The following CD101 variants were observed in gnomAD, a reference collection of about 807,000 sequenced individuals.
CD101 encodes the protein immunoglobulin superfamily member 2.
A neutral mutation model predicts 98.2 loss-of-function variants in CD101; 76 were observed. That is an observed-to-expected ratio of 0.77 (90% CI 0.64 to 0.94). CD101 has a LOEUF of 0.94. CD101 is among the 40% of genes least tolerant of loss of function. The pLI, the probability that CD101 is intolerant of heterozygous loss-of-function variation, is 0.00. For synonymous variants in CD101, 471 were observed against 472.7 expected (o/e 1.00, Z 0.05); for missense variants, 1,145 against 1,218.8 (o/e 0.94, Z 0.90).
At chr1:117,035,804 G>C (rs971432615) in intron 9 of CD101, among the ~76,000 whole-genome samples, 1 of 152,114 alleles carries the variant, frequency 6.6e-6, no homozygotes, top group Non-Finnish European at 1.5e-5. Context: ...CACCCGCCTC[G>C]GCCTCCCAAA....
At position 117,025,732 on chromosome 1, in the gene CD101, T is replaced by C; in HGVS notation, c.2652T>C (p.Cys884=). 6.2e-7 allele frequency: 1 copy of C among 1,614,196 alleles called. No homozygotes were observed. The change falls in exon 8 of 10, where the codon TGT becomes TGC. Residue 884 remains cysteine (C), a synonymous_variant. Transcript: ENST00000682167. ...GEEGLRRHLH[C]YRSSSTDFVL... is the part of the protein sequence containing the mutation. ...AGGGGCTCAGGAGGCACCTGCACTG[T>C]TACCGTTCATCCTCTACAGACTTTG...
chr1:117,034,836 C>T (rs749284845), intron 9 of CD101, among the ~76,000 whole-genome samples: 2 of 152,172 alleles, frequency 1.3e-5, no homozygotes, highest in African/African-American at 2.4e-5. Context: ...AGTCAGCCCC[C>T]CAAGGCCTCG....
At position 117,033,350 on chromosome 1, in the gene CD101, G is replaced by A. The variant is rs1446413030; in HGVS notation, c.2825-510G>A. Among the ~76,000 whole-genome samples, 2 of 152,126 alleles carry A rather than the reference G, an allele frequency of 1.3e-5. No individual in the cohort carries two copies. Among genetic ancestry groups the A allele is most frequent in the Non-Finnish European group, 2.9e-5 (2 of 68,010 alleles). On this transcript the variant is annotated intron_variant, in intron 8 of 9. Coordinates refer to ENST00000682167, the MANE Select transcript of CD101 (RefSeq NM_001256106.3). The surrounding 1 kb of genome is among the most constrained non-coding windows in gnomAD (Gnocchi z 4.8). ...GGCCAGGCTTGGGTCAGCGGGGGTA[G>A]GGGCTTCTTATTGTGGGTGTGATTG...
Position 117,025,711 on chromosome 1 carries a change from G to A in CD101, c.2631G>A (p.Gly877=). ...GCTTGCTGGAGTATGGGGAAGAGGG[G>A]CTCAGGAGGCACCTGCACTGTTACC... is the stretch of plus-strand genomic sequence containing the variant. The part of the protein sequence containing the change: ...HDGLLEYGEE[G]LRRHLHCYRS... Residue 877 remains glycine, a synonymous_variant, in exon 8 of 10, where the codon GGG becomes GGA. Transcript: ENST00000682167. 1 of 1,614,178 alleles carries A rather than the reference G, an allele frequency of 6.2e-7. No individual in the cohort carries two copies. Among genetic ancestry groups the A allele is most frequent in the Non-Finnish European group, 8.5e-7 (1 of 1,180,034 alleles).
chr1:117,025,697 T>C lies in CD101; in HGVS notation c.2617T>C (p.Tyr873His). The change falls in exon 8 of 10, where the codon TAT becomes CAT. Residue 873 changes from tyrosine to histidine, a missense_variant. By Grantham distance (83) the Tyr-to-His change is moderately conservative (BLOSUM62 2). Coordinates refer to ENST00000682167, the MANE Select transcript of CD101 (RefSeq NM_001256106.3). ...VHLQHDGLLE[Y>H]GEEGLRRHLH... ...CTTGCAACATGATGGCTTGCTGGAG[T>C]ATGGGGAAGAGGGGCTCAGGAGGCA... 1 of 1,613,798 alleles carries C rather than the reference T, an allele frequency of 6.2e-7. No individual in the cohort carries two copies. Among genetic ancestry groups the C allele is most frequent in the Non-Finnish European group, 8.5e-7 (1 of 1,179,960 alleles).
Position 117,023,327 on chromosome 1 carries a change from G to A in CD101, c.2428+1344G>A, listed in dbSNP as rs779489834. On this transcript the variant is annotated intron_variant, in intron 7 of 9. Coordinates refer to ENST00000682167, the MANE Select transcript of CD101 (RefSeq NM_001256106.3). This position sits in a 1 kb window ranked among gnomAD's most constrained non-coding sequence, Gnocchi z 4.4. The stretch of plus-strand genomic sequence containing the variant: ...CTTCCCATGTAGAAATGTGGGCTCC[G>A]TGTTGTCAGATCTTTTTGCATATCT... Among the ~76,000 whole-genome samples the A allele has an allele frequency of 1.3e-5, 2 of 152,158 alleles. No individual in the cohort carries two copies. The highest frequency in any genetic ancestry group is 1.9e-4 in the East Asian group (1 of 5,196).
At chr1:117,034,815 AACAGT>A (rs1654704756) in intron 9 of CD101, among the ~76,000 whole-genome samples, 1 of 152,186 alleles carries the variant, frequency 6.6e-6, no homozygotes, top group Non-Finnish European at 1.5e-5. Flanking sequence ...AAACTCATGT[AACAGT>A]ACTCCAGTCA....
rs771116783 is a variant in CD101 at position 117,017,185 on chromosome 1, C to T, written c.1324C>T (p.Pro442Ser). The change falls in exon 5 of 10, where the codon CCC becomes TCC. Residue 442 changes from proline to serine, a missense_variant. By Grantham distance (74) the Pro-to-Ser change is moderately conservative. Coordinates refer to ENST00000682167, the MANE Select transcript of CD101 (RefSeq NM_001256106.3). ...CTGTAAGGCTGGTGGAGCTGAAAGTCCCCTGTCTGTGAGCTGGTGGCACAT... is the reference window on the plus strand; with the variant it reads ...CTGTAAGGCTGGTGGAGCTGAAAGTTCCCTGTCTGTGAGCTGGTGGCACAT... ...FLCKAGGAES[P>S]LSVSWWHIPR... The T allele has an allele frequency of 8.7e-6, 14 of 1,614,240 alleles. No homozygotes were observed. The highest frequency in any genetic ancestry group is 6.7e-5 in the East Asian group (3 of 44,878).
At position 117,021,348 on chromosome 1, in the gene CD101, T is replaced by C. The variant is rs1434865248; in HGVS notation, c.2018-225T>C. ...TGAAGAGATAAAGTTCAACTTGATATCAGAAAGCATTCTGGAGGGGCAGAG... is the reference window on the plus strand; with the variant it reads ...TGAAGAGATAAAGTTCAACTTGATACCAGAAAGCATTCTGGAGGGGCAGAG... On this transcript the variant is annotated intron_variant, in intron 6 of 9. Transcript: ENST00000682167. The surrounding 1 kb of genome is among the most constrained non-coding windows in gnomAD (Gnocchi z 4.7). Among the ~76,000 whole-genome samples the C allele has an allele frequency of 2.6e-5, 4 of 152,128 alleles. No homozygotes were observed. The highest frequency in any genetic ancestry group is 9.7e-5 in the African/African-American group (4 of 41,418).
Position 117,025,666 on chromosome 1 carries a change from G to A in CD101, c.2586G>A (p.Leu862=), listed in dbSNP as rs774890450. The A allele has an allele frequency of 6.2e-7, 1 of 1,614,178 alleles. No homozygotes were observed. Among genetic ancestry groups the A allele is most frequent in the Non-Finnish European group, 8.5e-7 (1 of 1,180,032 alleles). ...WNRENSGSKL[L]VHLQHDGLLE... The stretch of plus-strand genomic sequence containing the variant: ...GAGAAAACTCTGGAAGTAAATTGCT[G>A]GTGCACTTGCAACATGATGGCTTGC... The change falls in exon 8 of 10, where the codon CTG becomes CTA. Residue 862 remains leucine, a synonymous_variant. Transcript: ENST00000682167.
In CD101 at chr1:117,012,823, T is replaced by A. The variant is rs1425455723; in HGVS notation, c.842-583T>A. Among the ~76,000 whole-genome samples the A allele has an allele frequency of 6.6e-6, 1 of 152,202 alleles. No homozygotes were observed. The highest frequency in any genetic ancestry group is 6.5e-5 in the Admixed American group (1 of 15,282). ...AACAGGAAGTGGTTGCTAAACCATA[T>A]ACTGTATATGCATTGCTAAAAGCAA... On this transcript the variant is annotated intron_variant, in intron 3 of 9. Transcript: ENST00000682167. This position sits in a 1 kb window ranked among gnomAD's most constrained non-coding sequence, Gnocchi z 4.0.
intron 8 of CD101, among the ~76,000 whole-genome samples, chr1:117,028,540 A>G (rs1203259518): frequency 6.6e-6 from 1 of 152,238 alleles, no homozygotes; most frequent in Non-Finnish European, 1.5e-5. Flanking sequence ...TGTAGATTAC[A>G]AGTCATCCAT....
intron 4 of CD101, among the ~76,000 whole-genome samples, chr1:117,014,181 G>A (rs1409483690): frequency 1.6e-5 from 2 of 123,486 alleles, no homozygotes; most frequent in East Asian, 4.9e-4. Context: ...GAAGCCCTCT[G>A]CCTTTGTGTG....
Position 117,030,468 on chromosome 1 carries a change from AAGAG to A in CD101, c.2825-3384_2825-3381del, listed in dbSNP as rs201470589. On this transcript the variant is annotated intron_variant, in intron 8 of 9. Coordinates refer to ENST00000682167, the MANE Select transcript of CD101 (RefSeq NM_001256106.3). ...GAGAAAGAAAGAAAAGAAAGAAAAA[AAGAG>A]AGAGAGAAAGAGAAAGAGAGAAAGG... Among the ~76,000 whole-genome samples, 1,446 of 152,106 alleles carry A rather than the reference AAGAG, an allele frequency of 9.5e-3. 15 individuals are homozygous for A. The highest frequency in any genetic ancestry group is 0.016 in the Non-Finnish European group (1,072 of 67,948).
chr1:117,011,652 A>T lies in CD101; in HGVS notation c.527A>T (p.Gln176Leu). 1 of 1,614,170 alleles carries T rather than the reference A, an allele frequency of 6.2e-7. No individual in the cohort carries two copies. The highest frequency in any genetic ancestry group is 1.1e-5 in the South Asian group (1 of 91,078). The change falls in exon 3 of 10, where the codon CAA becomes CTA. Residue 176 changes from glutamine to leucine, a missense_variant. By Grantham distance (113) the Gln-to-Leu change is moderately radical. Coordinates refer to ENST00000682167, the MANE Select transcript of CD101 (RefSeq NM_001256106.3). The stretch of plus-strand genomic sequence containing the variant: ...TGTGAGGCATCCAAAGCCACAGCCC[A>T]ACATACTCACCTCTCTGTCACCTGG... ...LTCEASKATA[Q>L]HTHLSVTWYL... is the part of the protein sequence containing the mutation.
In CD101 at chr1:117,010,237, T is replaced by C; in HGVS notation, c.424+7T>C. ...GCAAAGACTAATCTAATTGGTAAGT[T>C]GCTTGTCCACTTCTGCTAGCCAGCC... On this transcript the variant is annotated splice_region_variant and intron_variant, in intron 2 of 9. Transcript: ENST00000682167. This position sits in a 1 kb window ranked among gnomAD's most constrained non-coding sequence, Gnocchi z 5.2. 1 of 1,599,210 alleles carries C rather than the reference T, an allele frequency of 6.3e-7. No homozygotes were observed. Among genetic ancestry groups the C allele is most frequent in the Non-Finnish European group, 8.5e-7 (1 of 1,169,796 alleles).
In CD101 at chr1:117,018,548, G is replaced by A. The variant is rs376092353; in HGVS notation, c.2005G>A (p.Val669Ile). ...CATCTCTCACCCACTGAGGATAGCC[G>A]TCACTTTACCAGGTAAGTGTGACTT... is the stretch of plus-strand genomic sequence containing the variant. ...SAISHPLRIA[V>I]TLPESKLKVN... The change falls in exon 6 of 10, where the codon GTC becomes ATC. Residue 669 changes from valine to isoleucine, a missense_variant. Coordinates refer to ENST00000682167, the MANE Select transcript of CD101 (RefSeq NM_001256106.3). The surrounding 1 kb of genome is among the most constrained non-coding windows in gnomAD (Gnocchi z 4.3). The A allele has an allele frequency of 8.8e-6, 14 of 1,590,704 alleles. No homozygotes were observed. The highest frequency in any genetic ancestry group is 2.7e-5 in the African/African-American group (2 of 74,102).
intron 8 of CD101, among the ~76,000 whole-genome samples, chr1:117,029,196 AAAGAAAGAAAAGAAAGAAAAGAAAG>A (rs1557778824): frequency 4.0e-5 from 3 of 74,986 alleles, no homozygotes; most frequent in East Asian, 3.8e-4. Flanking sequence ...AGAAAGAAAG[AAAGAAAGAAAAGAAAGAAAAGAAAG>A]AAAGAAAGAA....
chr1:117,013,318 A>T, intron 3 of CD101, 88 bp from the exon 4 acceptor site: 1 of 1,426,914 alleles, frequency 7.0e-7, no homozygotes, highest in Non-Finnish European at 9.5e-7. Context: ...TCCCTGTGAC[A>T]TCCTTACAGA....
Sources: gnomAD v4.1 joint callset for allele counts (sites outside exome capture counted in the v4.1 genomes callset) on GRCh38, gnomAD v4.1.1 for gene constraint, Gnocchi (gnomAD v3.1) non-coding constraint, MANE v1.5 for transcripts, NCBI Gene and HGNC (gene_info 2026-07-23, HGNC 2026-07-21) for gene names.